CBR4: variants seen among roughly 807,000 people sequenced by gnomAD.
The protein encoded by CBR4 is 3-oxoacyl-[acyl-carrier-protein] reductase.
Under a neutral mutation model 21.0 loss-of-function variants are expected in CBR4, and 22 were observed. That is an observed-to-expected ratio of 1.05 (90% CI 0.75 to 1.50). The LOEUF is 1.50. CBR4 is among the 40% of genes most tolerant of loss of function. The pLI, the probability that CBR4 is intolerant of heterozygous loss-of-function variation, is 0.00. For synonymous variants in CBR4, 100 were observed against 104.4 expected, an observed-to-expected ratio of 0.96 and a Z score of 0.26; for missense variants, 302 against 286.3, an observed-to-expected ratio of 1.05 and a Z score of -0.40.
Position 169,007,759 on chromosome 4 carries a change from A to G in CBR4, c.143-3T>C, listed in dbSNP as rs2126877452. 2 of 1,569,100 alleles carry G rather than the reference A, an allele frequency of 1.3e-6. No homozygotes were observed. The highest frequency in any genetic ancestry group is 1.7e-6 in the Non-Finnish European group (2 of 1,161,666). The stretch of plus-strand genomic sequence containing the variant: ...ACAGCTAAATGCCAAATGATCTCCT[A>G]CACAACAAAGTTAAATAAGAATTAC... On this transcript the variant is annotated splice_polypyrimidine_tract_variant and splice_region_variant and intron_variant, in intron 1 of 4. Transcript: ENST00000306193.
intron 2 of CBR4, among the ~76,000 whole-genome samples, chr4:168,979,491 C>G (rs1487566809): frequency 1.3e-5 from 2 of 152,218 alleles, no homozygotes; most frequent in African/African-American, 4.8e-5. Context: ...CCCGCCTGAT[C>G]AGTCAGTGGC....
intron 2 of CBR4, among the ~76,000 whole-genome samples, chr4:168,916,252 A>C (rs1375184228): frequency 6.6e-6 from 1 of 152,074 alleles, no homozygotes; most frequent in African/African-American, 2.4e-5. Context: ...TCTCTACCAA[A>C]AATACAAAAG....
At chr4:168,926,457 A>C in intron 2 of CBR4, 1 of 1,086,786 alleles carries the variant, frequency 9.2e-7, no homozygotes, top group Non-Finnish European at 1.3e-6. Context: ...TTGTCACATT[A>C]TGTAAAAGGC....
chr4:168,924,047 T>G (rs1762107400), intron 2 of CBR4, among the ~76,000 whole-genome samples: 1 of 152,152 alleles, frequency 6.6e-6, no homozygotes, highest in Non-Finnish European at 1.5e-5. Flanking sequence ...AGACTTGAAT[T>G]AATTGAGGAA....
intron 2 of CBR4, among the ~76,000 whole-genome samples, chr4:168,940,810 G>A (rs1763242125): frequency 6.6e-6 from 1 of 152,180 alleles, no homozygotes; most frequent in Non-Finnish European, 1.5e-5. Context: ...GGAGAAATAG[G>A]AACACTTTTA....
intron 2 of CBR4, among the ~76,000 whole-genome samples, chr4:168,976,824 T>C (rs905280871): frequency 1.3e-5 from 2 of 152,210 alleles, no homozygotes; most frequent in African/African-American, 4.8e-5. Context: ...TGGAATGTCA[T>C]CAGTTAAGGC....
chr4:168,898,189 G>A, intron 2 of CBR4: 1 of 421,834 alleles, frequency 2.4e-6, no homozygotes, highest in Non-Finnish European at 4.4e-6. Context: ...ACATAGCTTT[G>A]CTTTTGCCTT....
intron 2 of CBR4, chr4:168,928,599 TA>T (rs1303748184): frequency 1.3e-5 from 2 of 157,596 alleles, no homozygotes; most frequent in African/African-American, 4.8e-5. Flanking sequence ...CTTATAAAGC[TA>T]AAATCATTGT....
chr4:168,925,110 T>C (rs760718436), intron 2 of CBR4: 1 of 1,610,398 alleles, frequency 6.2e-7, no homozygotes, highest in Non-Finnish European at 8.5e-7. Context: ...TTCATTGCGT[T>C]TACTCATTAA....
chr4:168,926,526 T>C lies in CBR4; in HGVS notation n.170-31761A>G, dbSNP rs1441521393. ...AAAAACACCAAAATAATATTTTTCT[T>C]ACTTGATATACCAAACTTAGTTTAA... On this transcript the variant is annotated intron_variant and non_coding_transcript_variant, in intron 2 of 3. Coordinates refer to the CBR4 transcript ENST00000509108. 4.9e-6 allele frequency: 3 copies of C among 613,610 alleles called. No homozygotes were observed. In the East Asian group the frequency reaches 8.4e-5, roughly 17 times the overall value. The allele number at this position is 613,610 out of a possible 1,614,324, so 38.0% of individuals were successfully genotyped here.
intron 2 of CBR4, among the ~76,000 whole-genome samples, chr4:168,973,344 T>C (rs963291478): frequency 1.3e-5 from 2 of 152,162 alleles, no homozygotes; most frequent in African/African-American, 4.8e-5. Context: ...TTCAGTAGGA[T>C]TGGTACCAAT....
intron 4 of CBR4, among the ~76,000 whole-genome samples, chr4:168,994,451 T>C (rs1310954597): frequency 1.4e-4 from 22 of 152,350 alleles, no homozygotes; most frequent in Non-Finnish European, 2.5e-4. Flanking sequence ...GGCCAGTTTA[T>C]GGCCAGATTT....
chr4:168,939,906 A>C (rs1202467387), intron 2 of CBR4, among the ~76,000 whole-genome samples: 2 of 152,200 alleles, frequency 1.3e-5, no homozygotes, highest in African/African-American at 4.8e-5. Context: ...TCAAGCTACC[A>C]CTGACTTTCT....
At chr4:169,004,886 TATC>T (rs899502820) in intron 3 of CBR4, among the ~76,000 whole-genome samples, 32 of 152,334 alleles carry the variant, frequency 2.1e-4, no homozygotes, top group African/African-American at 7.7e-4. Context: ...TTAATTCAAA[TATC>T]AACTATATGC....
chr4:168,959,532 C>T (rs1374752341), intron 2 of CBR4, among the ~76,000 whole-genome samples: 1 of 141,372 alleles, frequency 7.1e-6, no homozygotes, highest in East Asian at 2.0e-4. Flanking sequence ...TTTACATTAC[C>T]ACAAATTTTT....
chr4:168,999,629 C>A (rs536428632), intron 4 of CBR4, among the ~76,000 whole-genome samples: 1 of 145,560 alleles, frequency 6.9e-6, no homozygotes, highest in East Asian at 2.0e-4. Flanking sequence ...AATAAAACCA[C>A]CACTTTCAAA....
chr4:168,972,462 G>A (rs1417142645), intron 2 of CBR4, among the ~76,000 whole-genome samples: 1 of 152,174 alleles, frequency 6.6e-6, no homozygotes, highest in Non-Finnish European at 1.5e-5. Flanking sequence ...TCTTTCAGCA[G>A]TGTTTTGTAG....
In CBR4 at chr4:168,943,650, C is replaced by G. The variant is rs183429635; in HGVS notation, n.170-48885G>C. ...ACAGGCTGGGCATGGTGGCTCATGC[C>G]TGTAATTCCAACACTTTGGGAGGCT... On this transcript the variant is annotated intron_variant and non_coding_transcript_variant, in intron 2 of 3. Coordinates refer to the CBR4 transcript ENST00000509108. Among the ~76,000 whole-genome samples the G allele has an allele frequency of 5.7e-3, 872 of 152,290 alleles. 6 individuals are homozygous for G. Among genetic ancestry groups the G allele is most frequent in the Non-Finnish European group, 8.9e-3 (608 of 68,024 alleles).
At position 168,924,414 on chromosome 4, in the gene CBR4, G is replaced by A. The variant is rs376394488; in HGVS notation, n.170-29649C>T. On this transcript the variant is annotated intron_variant and non_coding_transcript_variant, in intron 2 of 3. Transcript: ENST00000509108. ...GAATCACTCACTCACAGCACTGACC[G>A]AGTGAGGTAAGACTGCACAATGAGA... 2.4e-5 allele frequency: 39 copies of A among 1,613,550 alleles called. No individual in the cohort carries two copies. Among genetic ancestry groups the A allele is most frequent in the Middle Eastern group, 3.3e-4 (2 of 6,080 alleles).
Sources: allele counts gnomAD v4.1 joint callset (sites outside exome capture counted in the v4.1 genomes callset), GRCh38; gene constraint gnomAD v4.1.1; transcripts MANE v1.5; gene names NCBI Gene and HGNC (gene_info 2026-07-23, HGNC 2026-07-21).